The following SLCO3A1 variants were observed in gnomAD, a reference collection of about 807,000 sequenced individuals.
SLCO3A1 encodes solute carrier organic anion transporter family member 3A1, also known as PGE1 transporter.
Under a neutral mutation model 63.1 loss-of-function variants are expected in SLCO3A1, and 27 were observed. The ratio of observed to expected loss-of-function variants is 0.43; its 90% CI spans 0.32 to 0.59. SLCO3A1 has a LOEUF of 0.59. Among genes scored for constraint, SLCO3A1 ranks in the 20% least tolerant of loss-of-function variants. SLCO3A1 has a pLI of 0.09. For synonymous variants in SLCO3A1, 473 were observed against 409.9 expected, an observed-to-expected ratio of 1.15 and a Z score of -1.86; for missense variants, 773 against 945.8, an observed-to-expected ratio of 0.82 and a Z score of 2.40.
intron 9 of SLCO3A1, among the ~76,000 whole-genome samples, chr15:92,156,669 A>G (rs1461527303): frequency 2.0e-5 from 3 of 152,284 alleles, no homozygotes; most frequent in Middle Eastern, 3.4e-3. Context: ...AACTCATTAA[A>G]CCTTCCAGGA....
chr15:92,016,193 A>G (rs1345376506), intron 2 of SLCO3A1, among the ~76,000 whole-genome samples: 1 of 139,628 alleles, frequency 7.2e-6, no homozygotes, highest in Non-Finnish European at 1.5e-5. Flanking sequence ...GATTTGTTGT[A>G]TATATATTTA....
intron 2 of SLCO3A1, among the ~76,000 whole-genome samples, chr15:91,932,587 C>A (rs1899274605): frequency 6.6e-6 from 1 of 152,066 alleles, no homozygotes; most frequent in Non-Finnish European, 1.5e-5. Context: ...GGATTACAGG[C>A]ATGTGCCACC....
In SLCO3A1 at chr15:91,885,034, G is replaced by T. The variant is rs983750111; in HGVS notation, c.180+30946G>T. Among the ~76,000 whole-genome samples the T allele has an allele frequency of 6.6e-6, 1 of 152,098 alleles. No individual in the cohort carries two copies. The highest frequency in any genetic ancestry group is 1.5e-5 in the Non-Finnish European group (1 of 68,014). ...AAAGCTTTCTGGGGAAAGGAGTTGT[G>T]TGGGTTCTCCAATTCTTGTTCCTTT... On this transcript the variant is annotated intron_variant, in intron 1 of 9. Coordinates refer to ENST00000318445, the MANE Select transcript of SLCO3A1 (RefSeq NM_013272.4). The surrounding 1 kb of genome is among the most constrained non-coding windows in gnomAD (Gnocchi z 4.7).
chr15:92,038,387 A>G (rs532507078), intron 2 of SLCO3A1, among the ~76,000 whole-genome samples: 1 of 152,316 alleles, frequency 6.6e-6, no homozygotes, highest in East Asian at 1.9e-4. Flanking sequence ...GGCTATTTTA[A>G]AGGACACATG....
At chr15:91,976,376 G>A (rs1901109965) in intron 2 of SLCO3A1, among the ~76,000 whole-genome samples, 1 of 152,118 alleles carries the variant, frequency 6.6e-6, no homozygotes, top group Non-Finnish European at 1.5e-5. Flanking sequence ...ACTTTTAAAT[G>A]TAGCTACTTT....
Position 91,968,773 on chromosome 15 carries a change from C to T in SLCO3A1, c.646+52315C>T, listed in dbSNP as rs376137027. On this transcript the variant is annotated intron_variant, in intron 2 of 9. Coordinates refer to ENST00000318445, the MANE Select transcript of SLCO3A1 (RefSeq NM_013272.4). This position sits in a 1 kb window ranked among gnomAD's most constrained non-coding sequence, Gnocchi z 4.2. ...TCACGACGTGTCCAGCTTCTTTGTG[C>T]GCTCACAGCAGGCACTGCACTGTCC... Among the ~76,000 whole-genome samples, 4 of 152,316 alleles carry T rather than the reference C, an allele frequency of 2.6e-5. No individual in the cohort carries two copies. Among genetic ancestry groups the T allele is most frequent in the Admixed American group, 2.0e-4 (3 of 15,294 alleles).
intron 3 of SLCO3A1, among the ~76,000 whole-genome samples, chr15:92,096,903 T>C (rs2047545765): frequency 6.6e-6 from 1 of 152,188 alleles, no homozygotes; most frequent in African/African-American, 2.4e-5. Flanking sequence ...TTTGAACCCG[T>C]TTCCTAGGGA....
At chr15:92,073,680 AC>A (rs1396673218) in intron 2 of SLCO3A1, among the ~76,000 whole-genome samples, 1 of 152,190 alleles carries the variant, frequency 6.6e-6, no homozygotes, top group African/African-American at 2.4e-5. Context: ...TCATCTAGTG[AC>A]ATTTTAGAAC....
In SLCO3A1 at chr15:92,094,958, G is replaced by A. The variant is rs1311564352; in HGVS notation, c.724G>A (p.Asp242Asn). 1 of 1,611,622 alleles carries A rather than the reference G, an allele frequency of 6.2e-7. No individual in the cohort carries two copies. Among genetic ancestry groups the A allele is most frequent in the South Asian group, 1.1e-5 (1 of 91,022 alleles). Residue 242 changes from aspartate (D) to asparagine (N), a missense_variant, in exon 3 of 10, where the codon GAT becomes AAT. By Grantham distance (23) the Asp-to-Asn change is conservative. This residue lies in a region of SLCO3A1 where 565 missense variants were observed against 749.8 expected (regional missense o/e 0.75). Transcript: ENST00000318445. ...LGSFCTKIYVDAVFIDTSNLD... is the reference protein window; with the variant it reads ...LGSFCTKIYVNAVFIDTSNLD... The stretch of plus-strand genomic sequence containing the variant: ...CTCTTTCTGTACCAAAATCTACGTG[G>A]ATGCGGTCTTCATTGACACAAGTAA...
At position 92,151,024 on chromosome 15, in the gene SLCO3A1, A is replaced by G. The variant is rs773391221; in HGVS notation, c.1753+10A>G. 3 of 1,590,852 alleles carry G rather than the reference A, an allele frequency of 1.9e-6. No homozygotes were observed. Among genetic ancestry groups the G allele is most frequent in the Admixed American group, 1.7e-5 (1 of 59,274 alleles). ...CTCCTTCGTTTGTTGGGTATGTATTATCTCTTTATTTCCTCAATAATGAAT... is the reference window on the plus strand; with the variant it reads ...CTCCTTCGTTTGTTGGGTATGTATTGTCTCTTTATTTCCTCAATAATGAAT... On this transcript the variant is annotated intron_variant, in intron 9 of 9. Coordinates refer to ENST00000318445, the MANE Select transcript of SLCO3A1 (RefSeq NM_013272.4).
chr15:91,938,751 C>T (rs1380153516), intron 2 of SLCO3A1, among the ~76,000 whole-genome samples: 9 of 152,194 alleles, frequency 5.9e-5, no homozygotes, highest in Admixed American at 6.5e-5. Context: ...AATCTATGCT[C>T]TTCACCTCAG....
At chr15:92,154,126 A>T (rs2048342340) in intron 9 of SLCO3A1, among the ~76,000 whole-genome samples, 1 of 152,228 alleles carries the variant, frequency 6.6e-6, no homozygotes, top group Admixed American at 6.5e-5. Flanking sequence ...AGTGAATGAC[A>T]GAGGCTCGTG....
rs1489820193 is a variant in SLCO3A1 at position 91,882,851 on chromosome 15, T to G, written c.180+28763T>G. Among the ~76,000 whole-genome samples, 3 of 152,134 alleles carry G rather than the reference T, an allele frequency of 2.0e-5. No homozygotes were observed. Among genetic ancestry groups the G allele is most frequent in the Non-Finnish European group, 4.4e-5 (3 of 68,044 alleles). On this transcript the variant is annotated intron_variant, in intron 1 of 9. Coordinates refer to ENST00000318445, the MANE Select transcript of SLCO3A1 (RefSeq NM_013272.4). This position sits in a 1 kb window ranked among gnomAD's most constrained non-coding sequence, Gnocchi z 4.4. ...CTTCTTAATCCCACTCGGATTTCAC[T>G]GAATATGTGCGATAAGTATAACCTC...
chr15:92,000,728 CTG>C (rs1177170108), intron 2 of SLCO3A1, among the ~76,000 whole-genome samples: 2 of 152,218 alleles, frequency 1.3e-5, no homozygotes, highest in African/African-American at 4.8e-5. Flanking sequence ...CCCAGAGAAA[CTG>C]TTAGAAATCT....
intron 2 of SLCO3A1, among the ~76,000 whole-genome samples, chr15:91,930,571 G>T (rs1899190305): frequency 6.6e-6 from 1 of 152,198 alleles, no homozygotes; most frequent in Admixed American, 6.5e-5. Context: ...CATTTTAACA[G>T]AGGTGTTAAA....
chr15:91,989,545 T>C (rs1274134492), intron 2 of SLCO3A1, among the ~76,000 whole-genome samples: 1 of 152,150 alleles, frequency 6.6e-6, no homozygotes, highest in Non-Finnish European at 1.5e-5. Context: ...AACAAGAACA[T>C]AGAGGGCTCA....
At position 91,872,321 on chromosome 15, in the gene SLCO3A1, A is replaced by G. The variant is rs1455423883; in HGVS notation, c.180+18233A>G. On this transcript the variant is annotated intron_variant, in intron 1 of 9. Transcript: ENST00000318445. The surrounding 1 kb of genome is among the most constrained non-coding windows in gnomAD (Gnocchi z 4.1). ...GCCAGTGCGGGCAGATCACGAGGTC[A>G]GGAGTTCGAGACCAGCCTGGCCAAC... Among the ~76,000 whole-genome samples, 1 of 152,216 alleles carries G rather than the reference A, an allele frequency of 6.6e-6. No homozygotes were observed. Among genetic ancestry groups the G allele is most frequent in the Non-Finnish European group, 1.5e-5 (1 of 68,046 alleles).
At chr15:91,881,281 T>G (rs1441130346) in intron 1 of SLCO3A1, among the ~76,000 whole-genome samples, 2 of 140,544 alleles carry the variant, frequency 1.4e-5, no homozygotes, top group African/African-American at 5.1e-5. Context: ...TCGAAAAGTG[T>G]TCCCCCACCT....
chr15:91,972,840 G>T (rs545193466), intron 2 of SLCO3A1, among the ~76,000 whole-genome samples: 7 of 152,200 alleles, frequency 4.6e-5, no homozygotes, highest in African/African-American at 1.4e-4. Context: ...GGACAGTGGG[G>T]CCGGGCATGG....
Sources: allele counts gnomAD v4.1 joint callset (sites outside exome capture counted in the v4.1 genomes callset), GRCh38; gene constraint gnomAD v4.1.1; regional missense constraint gnomAD v4.1.1; non-coding constraint Gnocchi (gnomAD v3.1); transcripts MANE v1.5; gene names NCBI Gene and HGNC (gene_info 2026-07-23, HGNC 2026-07-21).